The following CEP170B variants were observed in gnomAD, a reference collection of about 807,000 sequenced individuals.
CEP170B encodes centrosomal protein 170B, also known as centrosomal protein of 170 kDa protein B.
A neutral mutation model predicts 120.6 loss-of-function variants in CEP170B; 55 were observed. That is an observed-to-expected ratio of 0.46 (90% confidence interval 0.37 to 0.57). CEP170B has a LOEUF of 0.57. CEP170B is among the 20% of genes least tolerant of loss of function. The pLI, the probability that CEP170B is intolerant of heterozygous loss-of-function variation, is 0.00. For missense variants in CEP170B, 2,212 were observed against 2,253.3 expected, an observed-to-expected ratio of 0.98 and a Z score of 0.37; for synonymous variants, 1,033 against 954.5, an observed-to-expected ratio of 1.08 and a Z score of -1.52.
intron 2 of CEP170B, among the ~76,000 whole-genome samples, chr14:104,872,404 TGG>T (rs1566852543): frequency 4.2e-5 from 3 of 71,076 alleles, no homozygotes; most frequent in Non-Finnish European, 6.8e-5. Flanking sequence ...TGGGTGTGCG[TGG>T]GTGTGCCGTG....
Position 104,873,841 on chromosome 14 carries a change from G to C in CEP170B, c.106-2415G>C, listed in dbSNP as rs74519664. ...CCTGGGGAGGTCTCATGCTGGCAGGGAGGGCCCGAGCCCGGCCCCAGGCCT... is the reference window on the plus strand; with the variant it reads ...CCTGGGGAGGTCTCATGCTGGCAGGCAGGGCCCGAGCCCGGCCCCAGGCCT... On this transcript the variant is annotated intron_variant, in intron 2 of 18. Transcript: ENST00000414716. Among the ~76,000 whole-genome samples the C allele has an allele frequency of 7.2e-5, 11 of 152,304 alleles. No homozygotes were observed. In the East Asian group the frequency reaches 2.1e-3, roughly 29 times the overall value.
At chr14:104,877,836 A>ACCCCCCCC in intron 3 of CEP170B, 49 bp from the exon 4 acceptor site, 7 of 237,066 alleles carry the variant, frequency 3.0e-5, no homozygotes, top group South Asian at 9.1e-5. Flanking sequence ...GCCCACAGCC[A>ACCCCCCCC]CCCACCCGCG....
chr14:104,894,656 A>G (rs1896999052), intron 18 of CEP170B, 55 bp from the exon 19 acceptor site: 4 of 1,582,312 alleles, frequency 2.5e-6, no homozygotes, highest in African/African-American at 1.3e-5. Flanking sequence ...CCTGACTCAC[A>G]GGGTGGGAGC....
chr14:104,886,917 A>C lies in CEP170B; in HGVS notation c.2678A>C (p.Gln893Pro). The C allele has an allele frequency of 6.2e-7, 1 of 1,610,004 alleles. No homozygotes were observed. Among genetic ancestry groups the C allele is most frequent in the Non-Finnish European group, 8.5e-7 (1 of 1,179,806 alleles). The change falls in exon 12 of 19, where the codon CAG (glutamine) becomes CCG (proline). Residue 893 changes from glutamine to proline, a missense_variant. Around this residue, in one of 2 missense-constraint regions of CEP170B, gnomAD observed 2,166 missense variants for 2,166.7 expected, o/e 1.00. Coordinates refer to ENST00000414716, the MANE Select transcript of CEP170B (RefSeq NM_001112726.3). ...CACATCTCCAGCCACCCGCTTCTAC[A>C]GGACCTGGCCGCTACCCGGGCCGCA... ...PPHISSHPLL[Q>P]DLAATRAARM...
intron 12 of CEP170B, 96 bp from the exon 13 acceptor site, chr14:104,889,524 G>A (rs140736162): frequency 5.7e-6 from 9 of 1,586,488 alleles, no homozygotes; most frequent in African/African-American, 1.3e-5. Flanking sequence ...GACACGAGGC[G>A]CCGGCAGCAG....
chr14:104,871,173 C>G (rs1895463981), intron 2 of CEP170B, among the ~76,000 whole-genome samples: 1 of 152,194 alleles, frequency 6.6e-6, no homozygotes. Flanking sequence ...CTGCTGCTTC[C>G]CCGAGGCCCT....
In CEP170B at chr14:104,893,063, G is replaced by T; in HGVS notation, c.3966G>T (p.Ser1322=). The T allele has an allele frequency of 6.2e-7, 1 of 1,602,232 alleles. No individual in the cohort carries two copies. Residue 1322 remains serine (S), a synonymous_variant, in exon 14 of 19, where the codon TCG becomes TCT. Coordinates refer to ENST00000414716, the MANE Select transcript of CEP170B (RefSeq NM_001112726.3). ...GGGACGGTGACACACTGGGCTCCTC[G>T]GAGCCTGCCCACAGCGCCTCCCTCA... ...VAGDGDTLGS[S]EPAHSASLSN...
intron 13 of CEP170B, 25 bp downstream of exon 13, chr14:104,889,783 C>T (rs1435104087): frequency 6.3e-7 from 1 of 1,585,774 alleles, no homozygotes; most frequent in Non-Finnish European, 8.6e-7. Context: ...CAGAGTAAAT[C>T]CACTGGGTGC....
In CEP170B at chr14:104,886,296, G is replaced by A; in HGVS notation, c.2057G>A (p.Gly686Asp). 1 of 1,536,286 alleles carries A rather than the reference G, an allele frequency of 6.5e-7. No homozygotes were observed. Among genetic ancestry groups the A allele is most frequent in the Non-Finnish European group, 8.7e-7 (1 of 1,146,146 alleles). Residue 686 changes from glycine to aspartate, a missense_variant, in exon 12 of 19, where the codon GGC (glycine) becomes GAC (aspartate). Physicochemically the swap from Gly to Asp is moderately conservative, Grantham distance 94. Coordinates refer to ENST00000414716, the MANE Select transcript of CEP170B (RefSeq NM_001112726.3). ...GLTEDGLGRRGGEPEGSLPVR... is the reference protein window; with the variant it reads ...GLTEDGLGRRDGEPEGSLPVR... ...ACAGAGGATGGCCTGGGACGTAGAG[G>A]CGGGGAGCCGGAGGGGTCCCTGCCT...
rs138873368 is a variant in CEP170B, at chr14:104,867,356, G to T, written c.-27-1068G>T. ...TGCCTCCCAGTGAGCCCCCATCCCC[G>T]CCCTGCCTCTGTGTTCCCTGTATCC... On this transcript the variant is annotated intron_variant, in intron 1 of 18. Coordinates refer to ENST00000414716, the MANE Select transcript of CEP170B (RefSeq NM_001112726.3). The surrounding 1 kb of genome is among the most constrained non-coding windows in gnomAD (Gnocchi z 5.4). 2.2e-3 allele frequency among the ~76,000 whole-genome samples: 336 copies of T among 152,200 alleles called. 3 individuals carry two copies. Among genetic ancestry groups the T allele is most frequent in the African/African-American group, 7.8e-3 (324 of 41,528 alleles).
At chr14:104,882,213 G>A (rs1023961122) in intron 6 of CEP170B, among the ~76,000 whole-genome samples, 1 of 150,734 alleles carries the variant, frequency 6.6e-6, no homozygotes. Context: ...AAACTAAAAT[G>A]CCGCAGGGAC....
In CEP170B at chr14:104,870,659, G is replaced by C. The variant is rs903172421; in HGVS notation, c.105+2104G>C. ...GTAGGGGAAAAGTGCTGGGGGCAGG[G>C]TGCTCAGGGTGAGTTTGGGGTCCGA... On this transcript the variant is annotated intron_variant, in intron 2 of 18. Coordinates refer to ENST00000414716, the MANE Select transcript of CEP170B (RefSeq NM_001112726.3). The surrounding 1 kb of genome is among the most constrained non-coding windows in gnomAD (Gnocchi z 4.1). Among the ~76,000 whole-genome samples the C allele has an allele frequency of 6.6e-6, 1 of 152,170 alleles. No individual in the cohort carries two copies. Among genetic ancestry groups the C allele is most frequent in the African/African-American group, 2.4e-5 (1 of 41,422 alleles).
rs370915641 is a variant in CEP170B, at chr14:104,883,954, G to A, written c.1175G>A (p.Arg392Gln). ...GTGCGGCTGCAGAGGCAGATCAAGC[G>A]GGACCCCCAGGAGCTACTACATAAC... Reference protein sequence around the residue: ...EQVRLQRQIKRDPQELLHNQQ... With the variant: ...EQVRLQRQIKQDPQELLHNQQ... The change falls in exon 9 of 19, where the codon CGG becomes CAG. Residue 392 changes from arginine to glutamine, a missense_variant. Arg to Gln is a conservative substitution (Grantham distance 43). This residue lies in a region of CEP170B where 2,166 missense variants were observed against 2,166.7 expected (regional missense o/e 1.00). Coordinates refer to ENST00000414716, the MANE Select transcript of CEP170B (RefSeq NM_001112726.3). 45 of 1,607,286 alleles carry A rather than the reference G, an allele frequency of 2.8e-5. No individual in the cohort carries two copies. Among genetic ancestry groups the A allele is most frequent in the Non-Finnish European group, 3.5e-5 (41 of 1,177,322 alleles).
chr14:104,864,546 G>C (rs1595298926), upstream of CEP170B, among the ~76,000 whole-genome samples: 1 of 152,284 alleles, frequency 6.6e-6, no homozygotes, highest in African/African-American at 2.4e-5. This position sits in a 1 kb window ranked among gnomAD's most constrained non-coding sequence, Gnocchi z 5.9. Flanking sequence ...AGCAGTCCGC[G>C]GGAACTTACC....
chr14:104,876,235 G>A, intron 2 of CEP170B, 21 bp from the exon 3 acceptor site: 3 of 1,549,944 alleles, frequency 1.9e-6, no homozygotes, highest in Non-Finnish European at 2.6e-6. Flanking sequence ...GCACCTGAGG[G>A]CTGGCTGTGT....
At position 104,894,333 on chromosome 14, in the gene CEP170B, G is replaced by C. The variant is rs1450215318; in HGVS notation, c.4320G>C (p.Arg1440Ser). The change falls in exon 17 of 19, where the codon AGG becomes AGC. Residue 1440 changes from arginine to serine, a missense_variant. By Grantham distance (110) the Arg-to-Ser change is moderately radical. Coordinates refer to ENST00000414716, the MANE Select transcript of CEP170B (RefSeq NM_001112726.3). The stretch of plus-strand genomic sequence containing the variant: ...GAGCTTGGGAGGACCTGGAAGCCAG[G>C]ATCAACGCCGAGAACGAGGTGCCCA... ...TGRAWEDLEA[R>S]INAENEVPIL... 1.9e-6 allele frequency: 3 copies of C among 1,613,534 alleles called. No individual in the cohort carries two copies. The highest frequency in any genetic ancestry group is 2.5e-6 in the Non-Finnish European group (3 of 1,179,900).
chr14:104,866,419 A>G (rs1895211286), intron 1 of CEP170B, among the ~76,000 whole-genome samples: 1 of 152,042 alleles, frequency 6.6e-6, no homozygotes, highest in African/African-American at 2.4e-5. Context: ...CTCCCCCAGC[A>G]GCCCTAGGGA....
intron 6 of CEP170B, among the ~76,000 whole-genome samples, chr14:104,881,045 A>AT (rs1377415201): frequency 3.3e-5 from 5 of 152,096 alleles, no homozygotes; most frequent in Non-Finnish European, 5.9e-5. Context: ...GAGGCAGGTG[A>AT]TGGGGGGGTG....
rs1029720652 is a variant in CEP170B at position 104,884,418 on chromosome 14, C to G, written c.1639C>G (p.Pro547Ala). ...GGGCCCCCCGACCCCACCGCCCGCC[C>G]CCACGGACCCCCAGCTGACCAAGGC... The part of the protein sequence containing the change: ...PVGPPTPPPA[P>A]TDPQLTKARK... The change falls in exon 9 of 19, where the codon CCC (proline) becomes GCC (alanine). Residue 547 changes from proline (P) to alanine (A), a missense_variant. By Grantham distance (27) the Pro-to-Ala change is conservative. Transcript: ENST00000414716. The G allele has an allele frequency of 6.5e-7, 1 of 1,549,094 alleles. No individual in the cohort carries two copies. The highest frequency in any genetic ancestry group is 2.0e-5 in the Admixed American group (1 of 51,028).
Sources: allele counts gnomAD v4.1 joint callset (sites outside exome capture counted in the v4.1 genomes callset), GRCh38; gene constraint gnomAD v4.1.1; regional missense constraint gnomAD v4.1.1; non-coding constraint Gnocchi (gnomAD v3.1); transcripts MANE v1.5; gene names NCBI Gene and HGNC (gene_info 2026-07-23, HGNC 2026-07-21).